Variants in MYH11 observed in about 807,000 individuals in gnomAD.
The protein encoded by MYH11 is myosin heavy chain 11.
MYH11 carries 80 observed loss-of-function variants against 246.6 expected under a neutral mutation model. The observed-to-expected ratio is 0.32, with a 90% CI of 0.27 to 0.39. The LOEUF is 0.39. MYH11 is among the 10% of genes least tolerant of loss of function. The pLI is 1.00. For missense variants in MYH11, 2,158 were observed against 2,546.8 expected, an observed-to-expected ratio of 0.85 and a Z score of 3.29; for synonymous variants, 1,071 against 1,015.5, an observed-to-expected ratio of 1.05 and a Z score of -1.04.
At chr16:15,763,741 T>TCCG in intron 10 of MYH11, 55 bp downstream of exon 10, 16 of 646,844 alleles carry the variant, frequency 2.5e-5, no homozygotes, top group Non-Finnish European at 2.9e-5. Context: ...AAATGTCACC[T>TCCG]CCCCCACCCC....
chr16:15,838,424 A>T (rs2043964171), intron 1 of MYH11, among the ~76,000 whole-genome samples, 155 bp from the exon 2 acceptor site: 1 of 152,168 alleles, frequency 6.6e-6, no homozygotes, highest in Non-Finnish European at 1.5e-5. Context: ...AAGAACAGAG[A>T]CCACCCAAAG....
chr16:15,767,937 A>AAT (rs1567744070), intron 9 of MYH11, among the ~76,000 whole-genome samples: 9 of 134,962 alleles, frequency 6.7e-5, no homozygotes, highest in Non-Finnish European at 1.5e-4. Flanking sequence ...AAAAAAAAAA[A>AAT]TTTTTTTTTT....
intron 3 of MYH11, 37 bp downstream of exon 3, chr16:15,823,218 C>T: frequency 6.2e-7 from 1 of 1,613,282 alleles, no homozygotes; most frequent in Non-Finnish European, 8.5e-7. Context: ...GGAGGGGCTC[C>T]CTGGAGCTGG....
intron 9 of MYH11, among the ~76,000 whole-genome samples, chr16:15,769,608 T>C (rs1313453098): frequency 6.6e-6 from 1 of 152,110 alleles, no homozygotes; most frequent in Non-Finnish European, 1.5e-5. Flanking sequence ...TTTGTATTAT[T>C]TGTAGAGAAG....
chr16:15,715,607 T>C (rs1326824554), intron 38 of MYH11, among the ~76,000 whole-genome samples: 1 of 152,152 alleles, frequency 6.6e-6, no homozygotes, highest in Admixed American at 6.6e-5. Context: ...AGGGAGTGGT[T>C]ACAGGGCATG....
At chr16:15,789,357 C>T (rs2042555958) in intron 4 of MYH11, among the ~76,000 whole-genome samples, 1 of 152,132 alleles carries the variant, frequency 6.6e-6, no homozygotes, top group Admixed American at 6.5e-5. Flanking sequence ...CAGATCTTTT[C>T]ATTTACTCTA....
At chr16:15,759,537 A>T in intron 12 of MYH11, 39 bp downstream of exon 12, 1 of 1,614,042 alleles carries the variant, frequency 6.2e-7, no homozygotes, top group South Asian at 1.1e-5. Context: ...CATCTCAGAC[A>T]ACCAAGACCA....
intron 40 of MYH11, chr16:15,713,664 T>TTTTG (rs1261101878): frequency 6.6e-6 from 1 of 152,120 alleles, no homozygotes; most frequent in African/African-American, 2.4e-5. Flanking sequence ...CCTGGCTGAT[T>TTTTG]TTTGTTTGTT....
rs549356252 is a variant in MYH11, at chr16:15,824,357, A to C, written c.346-946T>G. Among the ~76,000 whole-genome samples the C allele has an allele frequency of 1.1e-4, 17 of 152,022 alleles. No homozygotes were observed. The South Asian group carries it at 3.3e-3, about 30-fold the overall frequency. Reference sequence around the variant, plus strand: ...TAGTGGGGTGATCTTGGCTCACTACAACCTTGAGTTTCTGGGCTTAAGTGA... The same window carrying C: ...TAGTGGGGTGATCTTGGCTCACTACCACCTTGAGTTTCTGGGCTTAAGTGA... On this transcript the variant is annotated intron_variant, in intron 2 of 40. Coordinates refer to ENST00000300036, the MANE Select transcript of MYH11 (RefSeq NM_002474.3).
chr16:15,740,227 A>G (rs1222468313), intron 22 of MYH11, 39 bp from the exon 23 acceptor site: 2 of 1,613,456 alleles, frequency 1.2e-6, no homozygotes, highest in Non-Finnish European at 1.7e-6. Context: ...CTTTGGTTAT[A>G]ACAGATTTAC....
intron 3 of MYH11, among the ~76,000 whole-genome samples, chr16:15,799,515 G>A (rs1477084762): frequency 1.3e-5 from 2 of 152,050 alleles, no homozygotes; most frequent in Non-Finnish European, 2.9e-5. Flanking sequence ...AGTCTCTCTT[G>A]TTTACCACCA....
chr16:15,806,105 C>T (rs755460115), intron 3 of MYH11, among the ~76,000 whole-genome samples: 1 of 151,320 alleles, frequency 6.6e-6, no homozygotes, highest in Non-Finnish European at 1.5e-5. Flanking sequence ...AGTGAAACCC[C>T]GTCTCTACTA....
At chr16:15,764,020 A>G (rs1209919783) in intron 9 of MYH11, 129 bp from the exon 10 acceptor site, 18 of 754,270 alleles carry the variant, frequency 2.4e-5, no homozygotes, top group Non-Finnish European at 4.7e-6. Context: ...CTAGATTCTG[A>G]GCTCAATATT....
At chr16:15,729,468 T>G (rs1179174497) in intron 27 of MYH11, among the ~76,000 whole-genome samples, 1 of 152,098 alleles carries the variant, frequency 6.6e-6, no homozygotes, top group Non-Finnish European at 1.5e-5. Flanking sequence ...GGGCTTGGCT[T>G]CTAGCTCCTG....
chr16:15,852,820 G>A (rs776026722), intron 1 of MYH11, among the ~76,000 whole-genome samples: 9 of 152,110 alleles, frequency 5.9e-5, no homozygotes, highest in Non-Finnish European at 1.5e-5. Flanking sequence ...GCCTATCGGG[G>A]TCTTGAAAGG....
intron 1 of MYH11, among the ~76,000 whole-genome samples, chr16:15,845,290 T>C (rs2044156514): frequency 8.0e-6 from 1 of 124,878 alleles, no homozygotes; most frequent in Non-Finnish European, 1.7e-5. Context: ...GTATGATATT[T>C]TTTCGCGATT....
chr16:15,828,683 G>C (rs989672088), intron 2 of MYH11, among the ~76,000 whole-genome samples: 1 of 151,060 alleles, frequency 6.6e-6, no homozygotes, highest in Non-Finnish European at 1.5e-5. Context: ...ATCCCAGCTA[G>C]TCGGGAGGCC....
chr16:15,845,765 G>A (rs2044174900), intron 1 of MYH11, among the ~76,000 whole-genome samples: 1 of 151,972 alleles, frequency 6.6e-6, no homozygotes, highest in South Asian at 2.1e-4. Context: ...GGATGCGTAA[G>A]AGAAATGGGA....
chr16:15,765,385 T>C (rs1027584347), intron 9 of MYH11, among the ~76,000 whole-genome samples: 1 of 151,408 alleles, frequency 6.6e-6, no homozygotes, highest in Non-Finnish European at 1.5e-5. Flanking sequence ...GGATAGACGA[T>C]GGATAGATGG....
Sources: gnomAD v4.1 joint callset for allele counts (sites outside exome capture counted in the v4.1 genomes callset) on GRCh38, gnomAD v4.1.1 for gene constraint, MANE v1.5 for transcripts, NCBI Gene and HGNC (gene_info 2026-07-23, HGNC 2026-07-21) for gene names.